Variants in ADCY5 observed in about 807,000 individuals in gnomAD.
ADCY5 encodes adenylate cyclase 5.
A neutral mutation model predicts 119.7 loss-of-function variants in ADCY5; 30 were observed. That is an observed-to-expected ratio of 0.25 (90% confidence interval 0.19 to 0.34). The LOEUF (loss-of-function observed/expected upper bound fraction) is 0.34, where lower values mean the gene tolerates loss of function less well. ADCY5 is among the 10% of genes least tolerant of loss of function. ADCY5 has a pLI of 1.00. For missense variants in ADCY5, 1,324 were observed against 1,775.2 expected, an observed-to-expected ratio of 0.75 and a Z score of 4.57; for synonymous variants, 753 against 762.2, an observed-to-expected ratio of 0.99 and a Z score of 0.20.
Position 123,352,284 on chromosome 3 carries a change from G to T in ADCY5, c.1284+148C>A, listed in dbSNP as rs1041680740. 3.8e-6 allele frequency: 4 copies of T among 1,040,320 alleles called. No individual in the cohort carries two copies. Among genetic ancestry groups the T allele is most frequent in the Non-Finnish European group, 4.0e-6 (3 of 751,826 alleles). 64.4% of individuals were successfully genotyped at this position (1,040,320 alleles called of 1,614,324 possible). A position where few individuals can be genotyped will look rare whatever the true frequency, so the allele number is the denominator to read the frequency against. On this transcript the variant is annotated intron_variant, in intron 2 of 20. Coordinates refer to ENST00000462833, the MANE Select transcript of ADCY5 (RefSeq NM_183357.3). The surrounding 1 kb of genome is among the most constrained non-coding windows in gnomAD (Gnocchi z 4.8). ...GCCTGGAATGCTGGACTCTCTCCAG[G>T]GGAAACATTCCCCATGGGTTGGTCC...
chr3:123,374,664 G>A (rs1943756100), intron 1 of ADCY5, among the ~76,000 whole-genome samples: 1 of 152,138 alleles, frequency 6.6e-6, no homozygotes, highest in Non-Finnish European at 1.5e-5. Flanking sequence ...CACCCCAGAA[G>A]GAAGAACTAT....
At chr3:123,416,088 G>A in intron 1 of ADCY5, 2 of 1,389,206 alleles carry the variant, frequency 1.4e-6, no homozygotes, top group African/African-American at 1.4e-5. Flanking sequence ...ACAGGCCCCA[G>A]GTGAGGTGTC....
chr3:123,377,298 G>C (rs566688095), intron 1 of ADCY5, among the ~76,000 whole-genome samples: 2 of 152,120 alleles, frequency 1.3e-5, no homozygotes, highest in Non-Finnish European at 2.9e-5. Context: ...ACCACTTCTT[G>C]TTATCACTGC....
At chr3:123,396,616 G>A (rs2107599034) in intron 1 of ADCY5, among the ~76,000 whole-genome samples, 1 of 126,780 alleles carries the variant, frequency 7.9e-6, no homozygotes, top group African/African-American at 3.0e-5. Flanking sequence ...AGGGAGGGAG[G>A]AAGAAGGGAG....
chr3:123,367,888 C>T, intron 1 of ADCY5: 4 of 1,532,536 alleles, frequency 2.6e-6, no homozygotes, highest in Middle Eastern at 1.7e-4. Context: ...GAAACTGCCA[C>T]CAAGTGCTTA....
At chr3:123,307,459 A>G (rs1397635703) in intron 12 of ADCY5, among the ~76,000 whole-genome samples, 1 of 152,200 alleles carries the variant, frequency 6.6e-6, no homozygotes, top group Admixed American at 6.5e-5. Flanking sequence ...GTTAGTTAAT[A>G]TCTGCATTTT....
intron 15 of ADCY5, among the ~76,000 whole-genome samples, chr3:123,299,755 G>A (rs765082779): frequency 6.6e-6 from 1 of 152,244 alleles, no homozygotes; most frequent in Non-Finnish European, 1.5e-5. Context: ...CACAGACCCT[G>A]TGAACAACAA....
chr3:123,305,308 T>TACTGACAGCATCTGCAGTTGGCCAC (rs1201813020), intron 12 of ADCY5, among the ~76,000 whole-genome samples: 5 of 152,188 alleles, frequency 3.3e-5, no homozygotes, highest in Non-Finnish European at 7.4e-5. Flanking sequence ...TCCATCCCGA[T>TACTGACAGCATCTGCAGTTGGCCAC]ACTGACAGCA....
At chr3:123,316,757 T>G (rs1192255406) in intron 11 of ADCY5, among the ~76,000 whole-genome samples, 22 of 152,134 alleles carry the variant, frequency 1.4e-4, no homozygotes, top group Non-Finnish European at 1.5e-5. Flanking sequence ...TAGTAGATGA[T>G]AGTAGGGATT....
At chr3:123,405,694 G>C (rs1247625264) in intron 1 of ADCY5, among the ~76,000 whole-genome samples, 1 of 152,014 alleles carries the variant, frequency 6.6e-6, no homozygotes, top group Non-Finnish European at 1.5e-5. Flanking sequence ...GAGTGCGGTG[G>C]CGCCATCTTG....
rs2108498087 is a variant in ADCY5, at chr3:123,352,294, C to T, written c.1284+138G>A. 1 of 1,094,264 alleles carries T rather than the reference C, an allele frequency of 9.1e-7. No individual in the cohort carries two copies. The highest frequency in any genetic ancestry group is 1.3e-6 in the Non-Finnish European group (1 of 798,032). 67.8% of individuals were successfully genotyped at this position (1,094,264 alleles called of 1,614,324 possible). A position where few individuals can be genotyped will look rare whatever the true frequency, so the allele number is the denominator to read the frequency against. ...CTGGACTCTCTCCAGGGGAAACATTCCCCATGGGTTGGTCCCCTCCCGGGG... is the reference window on the plus strand; with the variant it reads ...CTGGACTCTCTCCAGGGGAAACATTTCCCATGGGTTGGTCCCCTCCCGGGG... On this transcript the variant is annotated intron_variant, in intron 2 of 20. Coordinates refer to ENST00000462833, the MANE Select transcript of ADCY5 (RefSeq NM_183357.3). This position sits in a 1 kb window ranked among gnomAD's most constrained non-coding sequence, Gnocchi z 4.8.
intron 1 of ADCY5, among the ~76,000 whole-genome samples, chr3:123,361,029 T>C (rs1305206258): frequency 6.6e-6 from 1 of 152,242 alleles, no homozygotes; most frequent in Non-Finnish European, 1.5e-5. Context: ...CCTACTCTAC[T>C]GTACTAAGCT....
At chr3:123,400,130 T>C (rs1258289885) in intron 1 of ADCY5, among the ~76,000 whole-genome samples, 3 of 152,192 alleles carry the variant, frequency 2.0e-5, no homozygotes, top group African/African-American at 4.8e-5. Context: ...GTTACTAAGA[T>C]AGGAGCAGCT....
In ADCY5 at chr3:123,447,546, A is replaced by C. The variant is rs1355751995; in HGVS notation, c.1000T>G (p.Phe334Val). Residue 334 changes from phenylalanine to valine, a missense_variant, in exon 1 of 21, where the codon TTC (phenylalanine) becomes GTC (valine). Around this residue, in one of 6 missense-constraint regions of ADCY5, gnomAD observed 585 missense variants for 569.9 expected, o/e 1.03. Coordinates refer to ENST00000462833, the MANE Select transcript of ADCY5 (RefSeq NM_183357.3). ...SASEGIWWTV[F>V]FIYTIYTLLP... ...AGCGTGTAGATGGTGTAGATGAAGAACACGGTCCACCAGATGCCCTCAGAG... is the reference window on the plus strand; with the variant it reads ...AGCGTGTAGATGGTGTAGATGAAGACCACGGTCCACCAGATGCCCTCAGAG... 1 of 1,609,738 alleles carries C rather than the reference A, an allele frequency of 6.2e-7. No homozygotes were observed. The highest frequency in any genetic ancestry group is 2.2e-5 in the East Asian group (1 of 44,824).
At chr3:123,417,963 C>G (rs1348651025) in intron 1 of ADCY5, among the ~76,000 whole-genome samples, 2 of 152,224 alleles carry the variant, frequency 1.3e-5, no homozygotes, top group Admixed American at 1.3e-4. Flanking sequence ...CTGGACCAGC[C>G]ATGACTACCA....
intron 1 of ADCY5, among the ~76,000 whole-genome samples, chr3:123,366,405 G>A (rs1943438279): frequency 6.6e-6 from 1 of 152,358 alleles, no homozygotes; most frequent in East Asian, 1.9e-4. Flanking sequence ...CAAAGGCTCA[G>A]ATTCATCTGC....
intron 1 of ADCY5, among the ~76,000 whole-genome samples, chr3:123,434,542 G>T (rs1441867595): frequency 2.0e-5 from 3 of 152,214 alleles, no homozygotes; most frequent in African/African-American, 7.2e-5. Flanking sequence ...GTTGCCATGA[G>T]AAGCAAATGA....
At chr3:123,437,495 C>A (rs1165878751) in intron 1 of ADCY5, among the ~76,000 whole-genome samples, 1 of 152,096 alleles carries the variant, frequency 6.6e-6, no homozygotes, top group African/African-American at 2.4e-5. Flanking sequence ...AGGTTACTTA[C>A]CTTCTCTTAT....
Position 123,447,829 on chromosome 3 carries a change from C to T in ADCY5, c.717G>A (p.Gln239=). The change falls in exon 1 of 21, where the codon CAG becomes CAA. Residue 239 remains glutamine, a synonymous_variant. Coordinates refer to ENST00000462833, the MANE Select transcript of ADCY5 (RefSeq NM_183357.3). ...LYQRYFFRLN[Q]SSLTMLMAVL... ...CGGCCATGAGCATGGTGAGGCTGCT[C>T]TGGTTCAGGCGGAAGAAGTAGCGCT... 1.2e-6 allele frequency: 2 copies of T among 1,612,822 alleles called. No individual in the cohort carries two copies. The highest frequency in any genetic ancestry group is 1.7e-6 in the Non-Finnish European group (2 of 1,179,738).
Sources: gnomAD v4.1 joint callset for allele counts (sites outside exome capture counted in the v4.1 genomes callset) on GRCh38, gnomAD v4.1.1 for gene constraint, gnomAD v4.1.1 regional missense constraint, Gnocchi (gnomAD v3.1) non-coding constraint, MANE v1.5 for transcripts, NCBI Gene and HGNC (gene_info 2026-07-23, HGNC 2026-07-21) for gene names.